PLCB4: variants seen among roughly 807,000 people sequenced by gnomAD.
The protein encoded by PLCB4 is phospholipase C beta 4.
Under a neutral mutation model 178.8 loss-of-function variants are expected in PLCB4, and 77 were observed. The observed-to-expected ratio is 0.43, with a 90% CI of 0.36 to 0.52. The LOEUF (loss-of-function observed/expected upper bound fraction) is 0.52, where lower values mean the gene tolerates loss of function less well. Ranked by LOEUF, PLCB4 falls within the 20% of genes least tolerant of loss-of-function variation. PLCB4 has a pLI of 0.00. For missense variants in PLCB4, 1,024 were observed against 1,453.4 expected, an observed-to-expected ratio of 0.70 and a Z score of 4.80; for synonymous variants, 496 against 490.8, an observed-to-expected ratio of 1.01 and a Z score of -0.14.
chr20:9,375,002 GA>G (rs953905431), intron 12 of PLCB4, among the ~76,000 whole-genome samples: 13 of 152,002 alleles, frequency 8.6e-5, no homozygotes, highest in Non-Finnish European at 1.5e-4. Context: ...GGGTGTGACT[GA>G]TGGAATCGGT....
chr20:9,376,479 GTC>G (rs1420411964), intron 12 of PLCB4, among the ~76,000 whole-genome samples: 1 of 152,064 alleles, frequency 6.6e-6, no homozygotes, highest in East Asian at 1.9e-4. Context: ...ATGTCTCTTA[GTC>G]TCATCCAATG....
rs1044473125 is a variant in PLCB4 at position 9,213,121 on chromosome 20, T to C, written c.-78-4269T>C. Among the ~76,000 whole-genome samples the C allele has an allele frequency of 4.3e-5, 6 of 140,416 alleles. 1 individual carries two copies. The Admixed American group carries it at 4.5e-4, about 11-fold the overall frequency. The allele number at this position is 140,416 out of a possible 152,430, so 92.1% of individuals were successfully genotyped here. On this transcript the variant is annotated intron_variant, in intron 2 of 39. Transcript: ENST00000378473. ...GTCTTTGTGCTTGGCTTCTCTCCGT[T>C]AGCATACTTTTTTTTTTTTTTTTTT...
intron 30 of PLCB4, among the ~76,000 whole-genome samples, chr20:9,438,713 TAAG>T (rs908017919): frequency 6.6e-6 from 1 of 152,178 alleles, no homozygotes; most frequent in African/African-American, 2.4e-5. Flanking sequence ...ATCTATGTTC[TAAG>T]AAGAATTAGT....
intron 2 of PLCB4, among the ~76,000 whole-genome samples, chr20:9,164,424 A>G (rs1254853953): frequency 6.6e-6 from 1 of 152,186 alleles, no homozygotes; most frequent in Non-Finnish European, 1.5e-5. Flanking sequence ...CTTGCCCAAC[A>G]TCAAACCATC....
intron 2 of PLCB4, among the ~76,000 whole-genome samples, chr20:9,180,884 G>A (rs908445000): frequency 6.6e-6 from 1 of 152,142 alleles, no homozygotes; most frequent in Non-Finnish European, 1.5e-5. Flanking sequence ...AATTATTTAA[G>A]CATTTGAGCA....
In PLCB4 at chr20:9,325,872, A is replaced by G. The variant is rs1006467295; in HGVS notation, c.85-11254A>G. Among the ~76,000 whole-genome samples, 38 of 152,150 alleles carry G rather than the reference A, an allele frequency of 2.5e-4. 1 individual carries two copies. The highest frequency in any genetic ancestry group is 6.3e-3 in the Middle Eastern group (2 of 316). ...TTTCAGGCTGCTATAACAAAATACCATACACTCGGCAGCTATAAACAACAC... is the reference window on the plus strand; with the variant it reads ...TTTCAGGCTGCTATAACAAAATACCGTACACTCGGCAGCTATAAACAACAC... On this transcript the variant is annotated intron_variant, in intron 4 of 39. Transcript: ENST00000378473.
chr20:9,474,989 TC>T (rs1344944700), intron 38 of PLCB4, among the ~76,000 whole-genome samples: 1 of 152,178 alleles, frequency 6.6e-6, no homozygotes, highest in Non-Finnish European at 1.5e-5. Context: ...CAGAAAGTGC[TC>T]CTGGGGGAAA....
chr20:9,282,157 T>C (rs567653626), intron 3 of PLCB4, among the ~76,000 whole-genome samples: 1 of 152,116 alleles, frequency 6.6e-6, no homozygotes, highest in East Asian at 1.9e-4. Context: ...ACAACTTTGT[T>C]ATCACAGGGC....
chr20:9,240,908 A>G (rs1318548356), intron 3 of PLCB4, among the ~76,000 whole-genome samples: 1 of 152,142 alleles, frequency 6.6e-6, no homozygotes, highest in African/African-American at 2.4e-5. Flanking sequence ...GGATCATGGT[A>G]CACACCAGAA....
chr20:9,420,304 C>T (rs1273511405), intron 26 of PLCB4, among the ~76,000 whole-genome samples: 1 of 152,000 alleles, frequency 6.6e-6, no homozygotes, highest in Non-Finnish European at 1.5e-5. Context: ...CAGATGTGCT[C>T]ATATGTCCCA....
chr20:9,389,333 A>T (rs551697134), intron 15 of PLCB4, among the ~76,000 whole-genome samples: 7 of 152,264 alleles, frequency 4.6e-5, no homozygotes, highest in African/African-American at 1.7e-4. Flanking sequence ...CCAGGCTAAT[A>T]GGAAACAAGG....
intron 2 of PLCB4, among the ~76,000 whole-genome samples, chr20:9,161,577 C>G (rs2092888513): frequency 6.6e-6 from 1 of 152,244 alleles, no homozygotes; most frequent in Non-Finnish European, 1.5e-5. Context: ...TGGCTTGCAG[C>G]CATTGCCAGT....
intron 1 of PLCB4, among the ~76,000 whole-genome samples, chr20:9,070,581 C>A (rs1016203062): frequency 6.6e-6 from 1 of 152,190 alleles, no homozygotes; most frequent in Non-Finnish European, 1.5e-5. Flanking sequence ...TCTATTATAT[C>A]ATCTTCCTTT....
Position 9,268,704 on chromosome 20 carries a change from G to A in PLCB4, c.-15-39096G>A, listed in dbSNP as rs7265539. Among the ~76,000 whole-genome samples the A allele has an allele frequency of 1.6e-3, 246 of 152,344 alleles. 2 individuals are homozygous for A. The highest frequency in any genetic ancestry group is 4.0e-3 in the African/African-American group (167 of 41,598). On this transcript the variant is annotated intron_variant, in intron 3 of 39. Transcript: ENST00000378473. ...CATCCACTGCAGAAGCAGAAATGGTGTTAAGAGACAAAGACTATCAGCATC... is the reference window on the plus strand; with the variant it reads ...CATCCACTGCAGAAGCAGAAATGGTATTAAGAGACAAAGACTATCAGCATC...
At chr20:9,271,028 G>A (rs1388831034) in intron 3 of PLCB4, among the ~76,000 whole-genome samples, 1 of 152,126 alleles carries the variant, frequency 6.6e-6, no homozygotes, top group Non-Finnish European at 1.5e-5. Context: ...GCAGGAGAAA[G>A]CATTGCTAGC....
chr20:9,416,652 CA>C (rs1238307413), intron 25 of PLCB4, among the ~76,000 whole-genome samples: 1 of 151,978 alleles, frequency 6.6e-6, no homozygotes, highest in African/African-American at 2.4e-5. Flanking sequence ...ACTCTAGCCA[CA>C]AAAAAAGCTG....
chr20:9,213,446 G>A (rs1448276091), intron 2 of PLCB4, among the ~76,000 whole-genome samples: 1 of 152,108 alleles, frequency 6.6e-6, no homozygotes, highest in Non-Finnish European at 1.5e-5. Flanking sequence ...TGCCCAGCCA[G>A]CGTAATGTTT....
intron 7 of PLCB4, among the ~76,000 whole-genome samples, chr20:9,360,258 A>G (rs1287728801): frequency 1.3e-5 from 2 of 152,184 alleles, no homozygotes; most frequent in African/African-American, 2.4e-5. Context: ...TACTAACTAA[A>G]GCATGGGCCC....
intron 3 of PLCB4, among the ~76,000 whole-genome samples, chr20:9,301,874 G>A (rs1483415496): frequency 6.6e-6 from 1 of 152,154 alleles, no homozygotes; most frequent in Non-Finnish European, 1.5e-5. Context: ...GTTGCACAAG[G>A]ATTTAGAACA....
Sources: allele counts gnomAD v4.1 joint callset (sites outside exome capture counted in the v4.1 genomes callset), GRCh38; gene constraint gnomAD v4.1.1; transcripts MANE v1.5; gene names NCBI Gene and HGNC (gene_info 2026-07-23, HGNC 2026-07-21).